Variants in SPECC1L observed in about 807,000 individuals in gnomAD.
SPECC1L encodes cytospin-A.
A neutral mutation model predicts 116.8 loss-of-function variants in SPECC1L; 40 were observed. The ratio of observed to expected loss-of-function variants is 0.34; its 90% confidence interval spans 0.27 to 0.45. The LOEUF (loss-of-function observed/expected upper bound fraction) is 0.45, where lower values mean the gene tolerates loss of function less well. Among genes scored for constraint, SPECC1L ranks in the 20% least tolerant of loss-of-function variants. The probability of loss-of-function intolerance (pLI) is 1.00; values close to 1 mark genes in which losing one functional copy is unlikely to be tolerated. For synonymous variants in SPECC1L, 504 were observed against 500.6 expected (o/e 1.01, Z -0.09); for missense variants, 1,110 against 1,373.6 (o/e 0.81, Z 3.03).
At chr22:24,389,514 T>C (rs2042225244) in intron 14 of SPECC1L, among the ~76,000 whole-genome samples, 1 of 151,464 alleles carries the variant, frequency 6.6e-6, no homozygotes, top group African/African-American at 2.4e-5. Flanking sequence ...GTGGGGGCTT[T>C]CGGGTTTTTT....
At chr22:24,311,714 A>G (rs994100601) in intron 3 of SPECC1L, among the ~76,000 whole-genome samples, 8 of 149,398 alleles carry the variant, frequency 5.4e-5, no homozygotes, top group African/African-American at 2.0e-4. Context: ...CTGAGGTGGG[A>G]GAATCACTTG....
At chr22:24,323,937 A>G (rs1164018389) in intron 5 of SPECC1L, among the ~76,000 whole-genome samples, 1 of 152,250 alleles carries the variant, frequency 6.6e-6, no homozygotes, top group Non-Finnish European at 1.5e-5. Context: ...CAAAGTTAGG[A>G]GAAACGAAAA....
At chr22:24,321,067 A>C (rs1288829236) in intron 4 of SPECC1L, among the ~76,000 whole-genome samples, 1 of 152,258 alleles carries the variant, frequency 6.6e-6, no homozygotes, top group Non-Finnish European at 1.5e-5. Context: ...CATGTAAAAC[A>C]AAGTGTATAA....
In SPECC1L at chr22:24,415,426, T is replaced by G. The variant is rs1601380852; in HGVS notation, c.*803T>G. ...TCATAAGGAGTTTTTCTAGTTAACA[T>G]TTTTGTTTTGTTACGAGCAATGCTG... is the stretch of plus-strand genomic sequence containing the variant. On this transcript the variant is annotated 3_prime_UTR_variant, in exon 17 of 17. Coordinates refer to ENST00000314328, the MANE Select transcript of SPECC1L (RefSeq NM_015330.6). 6.5e-6 allele frequency: 1 copy of G among 152,718 alleles called. No individual in the cohort carries two copies. Among genetic ancestry groups the G allele is most frequent in the East Asian group, 1.9e-4 (1 of 5,180 alleles). The allele number at this position is 152,718 out of a possible 1,614,324, so 9.5% of individuals were successfully genotyped here.
chr22:24,284,495 C>T (rs1046226989), intron 2 of SPECC1L, among the ~76,000 whole-genome samples: 7 of 151,962 alleles, frequency 4.6e-5, no homozygotes, highest in African/African-American at 1.7e-4. Context: ...AGTGCAGTGG[C>T]GTGATCTCGG....
At chr22:24,377,471 G>T (rs910132734) in intron 14 of SPECC1L, among the ~76,000 whole-genome samples, 1 of 152,178 alleles carries the variant, frequency 6.6e-6, no homozygotes, top group Non-Finnish European at 1.5e-5. Flanking sequence ...ATGGACGTAT[G>T]TAGTTTTCTC....
rs531258104 is a variant in SPECC1L at position 24,313,017 on chromosome 22, T to C, written c.154-296T>C. On this transcript the variant is annotated intron_variant, in intron 3 of 16. Coordinates refer to ENST00000314328, the MANE Select transcript of SPECC1L (RefSeq NM_015330.6). ...GGCATTATAGGACTTTCCCAAGATA[T>C]CATGTGCTATCCCCCATCATCTGAA... Among the ~76,000 whole-genome samples, 8 of 152,336 alleles carry C rather than the reference T, an allele frequency of 5.3e-5. No individual in the cohort carries two copies. The East Asian group carries it at 9.6e-4, about 18-fold the overall frequency.
In SPECC1L at chr22:24,415,019, C is replaced by T. The variant is rs1461028204; in HGVS notation, c.*396C>T. On this transcript the variant is annotated 3_prime_UTR_variant, in exon 17 of 17. Transcript: ENST00000314328. ...TCACTAGGGTTGATGAAGGCTCGGCCGCGGCACTTCCTGACTATTGGCTGG... is the reference window on the plus strand; with the variant it reads ...TCACTAGGGTTGATGAAGGCTCGGCTGCGGCACTTCCTGACTATTGGCTGG... 4.7e-5 allele frequency: 12 copies of T among 256,560 alleles called. No individual in the cohort carries two copies. The highest frequency in any genetic ancestry group is 7.8e-5 in the Non-Finnish European group (10 of 127,774). The allele number at this position is 256,560 out of a possible 1,614,324, so 15.9% of individuals were successfully genotyped here.
intron 14 of SPECC1L, among the ~76,000 whole-genome samples, chr22:24,402,379 G>T (rs966202609): frequency 6.6e-6 from 1 of 151,988 alleles, no homozygotes; most frequent in East Asian, 1.9e-4. Flanking sequence ...AGTCTCGATG[G>T]TTTTTTTACT....
At position 24,313,410 on chromosome 22, in the gene SPECC1L, C is replaced by A. The variant is rs765534812; in HGVS notation, c.251C>A (p.Pro84His). The A allele has an allele frequency of 5.6e-6, 9 of 1,614,174 alleles. No homozygotes were observed. In the South Asian group the frequency reaches 9.9e-5, roughly 18 times the overall value. ...AAAAGCACCTGCCCATCTGCAGCACCTTCAGCATCTGCCCCTGCCATGACC... is the reference window on the plus strand; with the variant it reads ...AAAAGCACCTGCCCATCTGCAGCACATTCAGCATCTGCCCCTGCCATGACC... The part of the protein sequence containing the change: ...GKKSTCPSAA[P>H]SASAPAMTTV... Residue 84 changes from proline to histidine, a missense_variant, in exon 4 of 17, where the codon CCT (proline) becomes CAT (histidine). Physicochemically the swap from Pro to His is moderately conservative, Grantham distance 77. Transcript: ENST00000314328.
chr22:24,398,785 C>CCCTAAAGAGG (rs2146767904), intron 14 of SPECC1L, among the ~76,000 whole-genome samples: 1 of 152,270 alleles, frequency 6.6e-6, no homozygotes, highest in South Asian at 2.1e-4. Flanking sequence ...AATCCAGTTC[C>CCCTAAAGAGG]CCTAAAGAGG....
intron 2 of SPECC1L, among the ~76,000 whole-genome samples, chr22:24,280,016 A>T (rs567454621): frequency 6.6e-6 from 1 of 151,104 alleles, no homozygotes; most frequent in South Asian, 2.1e-4. Context: ...TCTTGAATTG[A>T]TGTCTAAAGG....
rs200574935 is a variant in SPECC1L, at chr22:24,330,462, T to C, written c.2396+31T>C. On this transcript the variant is annotated intron_variant, in intron 8 of 16. Transcript: ENST00000314328. ...TTCTGAGAAACCTGTTGTGTACTTA[T>C]GTTTCAGTAGAGAACACTTAAATCC... The C allele has an allele frequency of 4.3e-5, 69 of 1,611,198 alleles. 1 individual carries two copies. In the East Asian group the frequency reaches 1.2e-3, roughly 28 times the overall value.
In SPECC1L at chr22:24,415,598, C is replaced by G. The variant is rs971404732; in HGVS notation, c.*975C>G. On this transcript the variant is annotated 3_prime_UTR_variant, in exon 17 of 17. Coordinates refer to ENST00000314328, the MANE Select transcript of SPECC1L (RefSeq NM_015330.6). ...AGTAAACAACTTTAGGGAGCCCAGG[C>G]AGTGTCATTTAAACTCACTGAGTCA... 1.3e-5 allele frequency: 2 copies of G among 152,576 alleles called. No homozygotes were observed. The allele number at this position is 152,576 out of a possible 1,614,324, so 9.5% of individuals were successfully genotyped here.
intron 6 of SPECC1L, among the ~76,000 whole-genome samples, chr22:24,324,683 T>C (rs2146488025): frequency 6.6e-6 from 1 of 152,206 alleles, no homozygotes; most frequent in Admixed American, 6.5e-5. Context: ...AAACCCCGTA[T>C]CTACTAAAAA....
intron 3 of SPECC1L, among the ~76,000 whole-genome samples, chr22:24,307,416 T>G (rs2049522028): frequency 6.6e-6 from 1 of 152,220 alleles, no homozygotes; most frequent in Non-Finnish European, 1.5e-5. Flanking sequence ...CTTTATCATT[T>G]ATACATGCTG....
Position 24,382,472 on chromosome 22 carries a change from A to G in SPECC1L, c.3087+13152A>G, listed in dbSNP as rs539135601. Among the ~76,000 whole-genome samples the G allele has an allele frequency of 1.1e-4, 17 of 152,288 alleles. No homozygotes were observed. The East Asian group carries it at 3.3e-3, about 29-fold the overall frequency. Reference sequence around the variant, plus strand: ...GTAATCCCAGCACTTTGAGAGGCCGAGGCAGGCGGATCATGAGGTCAGGAG... The same window carrying G: ...GTAATCCCAGCACTTTGAGAGGCCGGGGCAGGCGGATCATGAGGTCAGGAG... On this transcript the variant is annotated intron_variant, in intron 14 of 16. Transcript: ENST00000314328.
chr22:24,287,382 C>T (rs1294569975), intron 2 of SPECC1L, among the ~76,000 whole-genome samples: 1 of 151,986 alleles, frequency 6.6e-6, no homozygotes, highest in Non-Finnish European at 1.5e-5. Flanking sequence ...AGCTGTGGCA[C>T]AGAAGGATTG....
chr22:24,415,919 C>T lies in SPECC1L; in HGVS notation c.*1296C>T, dbSNP rs1004747370. ...GAATAGGGATCTCCCGTGTGCCTAA[C>T]GCAGTAGCTATTGGTTTGAACAATG... is the stretch of plus-strand genomic sequence containing the variant. On this transcript the variant is annotated 3_prime_UTR_variant, in exon 17 of 17. Transcript: ENST00000314328. 5 of 152,262 alleles carry T rather than the reference C, an allele frequency of 3.3e-5. No individual in the cohort carries two copies. The highest frequency in any genetic ancestry group is 9.6e-5 in the African/African-American group (4 of 41,452). 9.4% of individuals were successfully genotyped at this position (152,262 alleles called of 1,614,324 possible). A position where few individuals can be genotyped will look rare whatever the true frequency, so the allele number is the denominator to read the frequency against.
Sources: gnomAD v4.1 joint callset for allele counts (sites outside exome capture counted in the v4.1 genomes callset) on GRCh38, gnomAD v4.1.1 for gene constraint, MANE v1.5 for transcripts, NCBI Gene and HGNC (gene_info 2026-07-23, HGNC 2026-07-21) for gene names.